The following PKHD1 variants were observed in gnomAD, a reference collection of about 807,000 sequenced individuals.
PKHD1 encodes the protein fibrocystin.
Under a neutral mutation model 412.0 loss-of-function variants are expected in PKHD1, and 291 were observed. That is an observed-to-expected ratio of 0.71 (90% CI 0.64 to 0.78). PKHD1 has a LOEUF of 0.78. PKHD1 is among the 30% of genes least tolerant of loss of function. The pLI is 0.00. For missense variants in PKHD1, 4,825 were observed against 4,950.7 expected, an observed-to-expected ratio of 0.97 and a Z score of 0.76; for synonymous variants, 1,777 against 1,821.5, an observed-to-expected ratio of 0.98 and a Z score of 0.62.
At chr6:51,983,837 G>A (rs1328653732) in intron 35 of PKHD1, among the ~76,000 whole-genome samples, 1 of 152,192 alleles carries the variant, frequency 6.6e-6, no homozygotes, top group Non-Finnish European at 1.5e-5. Context: ...ATTTTGCTAG[G>A]GCCTAACGGT....
At chr6:51,842,109 A>G (rs1255229852) in intron 50 of PKHD1, among the ~76,000 whole-genome samples, 1 of 152,224 alleles carries the variant, frequency 6.6e-6, no homozygotes, top group Non-Finnish European at 1.5e-5. Flanking sequence ...ACATTTGGAC[A>G]CAAGTGTTGG....
chr6:51,675,118 C>T (rs755674192), intron 60 of PKHD1, among the ~76,000 whole-genome samples: 1 of 152,064 alleles, frequency 6.6e-6, no homozygotes, highest in African/African-American at 2.4e-5. Context: ...ATAAAGCACA[C>T]GTAAGCAGGG....
intron 36 of PKHD1, among the ~76,000 whole-genome samples, chr6:51,958,097 ATATCTC>A (rs1478520347): frequency 3.3e-5 from 5 of 152,092 alleles, no homozygotes; most frequent in African/African-American, 1.2e-4. Flanking sequence ...GTTATGACCT[ATATCTC>A]TATGATAAAA....
intron 59 of PKHD1, among the ~76,000 whole-genome samples, chr6:51,745,011 A>C (rs1785016247): frequency 6.6e-6 from 1 of 152,188 alleles, no homozygotes; most frequent in Admixed American, 6.5e-5. Context: ...AATAAAGCCA[A>C]ACATGGCACT....
intron 35 of PKHD1, among the ~76,000 whole-genome samples, chr6:51,979,289 T>C (rs1794843688): frequency 6.6e-6 from 1 of 152,216 alleles, no homozygotes; most frequent in Non-Finnish European, 1.5e-5. Flanking sequence ...TTCTTGACTG[T>C]AGGCTCCATG....
chr6:51,778,362 C>T (rs1440951339), intron 53 of PKHD1, among the ~76,000 whole-genome samples: 1 of 152,078 alleles, frequency 6.6e-6, no homozygotes, highest in Admixed American at 6.6e-5. Flanking sequence ...TTCACATGCA[C>T]AATTTAATTC....
At chr6:51,822,431 G>A (rs1005310218) in intron 52 of PKHD1, among the ~76,000 whole-genome samples, 4 of 152,074 alleles carry the variant, frequency 2.6e-5, no homozygotes, top group African/African-American at 9.7e-5. Context: ...GCCTTCTGCT[G>A]TCCTGGTTCT....
chr6:51,619,530 A>G lies in PKHD1; in HGVS notation c.11786-10T>C, dbSNP rs748739539. 1.5e-5 allele frequency: 24 copies of G among 1,609,654 alleles called. No individual in the cohort carries two copies. Among genetic ancestry groups the G allele is most frequent in the Non-Finnish European group, 1.5e-5 (18 of 1,176,100 alleles). ...ACCTTCATTCTCATATCTGGGGGGA[A>G]AAGAAATAGGGGAAGAAATGGATTT... On this transcript the variant is annotated splice_polypyrimidine_tract_variant and intron_variant, in intron 66 of 66. Transcript: ENST00000371117.
At chr6:51,921,982 G>A (rs1278614351) in intron 37 of PKHD1, among the ~76,000 whole-genome samples, 3 of 152,154 alleles carry the variant, frequency 2.0e-5, no homozygotes, top group Non-Finnish European at 2.9e-5. Context: ...CTGGCAAGGA[G>A]CTGCGATCTT....
intron 8 of PKHD1, 33 bp downstream of exon 8, chr6:52,072,082 G>C (rs995935558): frequency 1.1e-5 from 14 of 1,248,640 alleles, no homozygotes; most frequent in Middle Eastern, 1.9e-4. Flanking sequence ...GAACTTACAA[G>C]CATGTGCATT....
intron 37 of PKHD1, among the ~76,000 whole-genome samples, chr6:51,926,688 G>A (rs1583411368): frequency 6.6e-6 from 1 of 152,164 alleles, no homozygotes; most frequent in Admixed American, 6.6e-5. Flanking sequence ...ATTAATTTAA[G>A]GAACCCTTTC....
chr6:51,636,947 A>G (rs1032073989), intron 64 of PKHD1, among the ~76,000 whole-genome samples: 1 of 152,220 alleles, frequency 6.6e-6, no homozygotes, highest in Admixed American at 6.5e-5. Context: ...TAATTTAGTG[A>G]AAAACACTAA....
chr6:52,048,140 C>T (rs930274469), intron 23 of PKHD1, among the ~76,000 whole-genome samples: 1 of 152,144 alleles, frequency 6.6e-6, no homozygotes, highest in Non-Finnish European at 1.5e-5. Flanking sequence ...GTGGCCCTGC[C>T]GACAACTTGA....
At position 51,847,870 on chromosome 6, in the gene PKHD1, C is replaced by A. The variant is rs778592523; in HGVS notation, c.8012G>T (p.Arg2671Leu). Residue 2671 changes from arginine (R) to leucine (L), a missense_variant, in exon 50 of 67, where the codon CGA becomes CTA. Transcript: ENST00000371117. Reference protein sequence around the residue: ...YPDILLRCGSRVGLSFPFLPS... With the variant: ...YPDILLRCGSLVGLSFPFLPS... ...AAGAAATGGAAAAGACAGACCCACT[C>A]GACTCCCACATCTTAGGAGGATGTC... is the stretch of plus-strand genomic sequence containing the variant. The A allele has an allele frequency of 1.5e-5, 24 of 1,613,776 alleles. No homozygotes were observed. In the South Asian group the frequency reaches 2.4e-4, roughly 16 times the overall value.
chr6:51,730,307 G>A (rs188508193), intron 60 of PKHD1, among the ~76,000 whole-genome samples: 10 of 152,012 alleles, frequency 6.6e-5, no homozygotes, highest in South Asian at 2.1e-4. Context: ...TCTAAATAAC[G>A]TCATCAATAT....
chr6:51,987,124 G>C (rs561796723), intron 35 of PKHD1, among the ~76,000 whole-genome samples: 31 of 152,338 alleles, frequency 2.0e-4, no homozygotes, highest in Non-Finnish European at 3.1e-4. Context: ...GCAAGGCTGA[G>C]AGAGCCCTCC....
intron 60 of PKHD1, among the ~76,000 whole-genome samples, chr6:51,681,495 C>A (rs535286366): frequency 9.2e-5 from 14 of 152,010 alleles, no homozygotes; most frequent in Non-Finnish European, 1.9e-4. Flanking sequence ...TTTAAAAGAC[C>A]AGTAGCCTTA....
chr6:51,916,959 G>T (rs1270554096), intron 37 of PKHD1, among the ~76,000 whole-genome samples: 2 of 152,112 alleles, frequency 1.3e-5, no homozygotes, highest in Admixed American at 1.3e-4. Flanking sequence ...ACAAATTATT[G>T]TTCAAGCATT....
chr6:52,001,890 A>G lies in PKHD1; in HGVS notation c.5751+8419T>C, dbSNP rs946513398. Among the ~76,000 whole-genome samples, 6 of 152,232 alleles carry G rather than the reference A, an allele frequency of 3.9e-5. No individual in the cohort carries two copies. In the South Asian group the frequency reaches 1.2e-3, roughly 31 times the overall value. On this transcript the variant is annotated intron_variant, in intron 35 of 66. Coordinates refer to ENST00000371117, the MANE Select transcript of PKHD1 (RefSeq NM_138694.4). ...TTGTGACACTTTAACTTGGCATAAC[A>G]ATTTACAGAGTACTCACAGACTGAT... is the stretch of plus-strand genomic sequence containing the variant.
Sources: gnomAD v4.1 joint callset for allele counts (sites outside exome capture counted in the v4.1 genomes callset) on GRCh38, gnomAD v4.1.1 for gene constraint, MANE v1.5 for transcripts, NCBI Gene and HGNC (gene_info 2026-07-23, HGNC 2026-07-21) for gene names.